Variants in PCDHA4 observed in about 807,000 individuals in gnomAD.
PCDHA4 encodes protocadherin alpha-4.
Under a neutral mutation model 61.4 loss-of-function variants are expected in PCDHA4, and 49 were observed. The observed-to-expected ratio is 0.80, with a 90% confidence interval of 0.63 to 1.01. The LOEUF is 1.01. Ranked by LOEUF, PCDHA4 falls within the 50% of genes least tolerant of loss-of-function variation. The pLI is 0.00. For synonymous variants in PCDHA4, 590 were observed against 550.3 expected, an observed-to-expected ratio of 1.07 and a Z score of -1.01; for missense variants, 1,254 against 1,235.8, an observed-to-expected ratio of 1.01 and a Z score of -0.22.
chr5:140,862,988 C>A (rs1554157382), intron 1 of PCDHA4: 6 of 546,930 alleles, frequency 1.1e-5, no homozygotes, highest in Non-Finnish European at 2.2e-5. Context: ...GGCGAAGGTG[C>A]GCACGGTGGA....
In PCDHA4 at chr5:140,858,203, C is replaced by T. The variant is rs781959847; in HGVS notation, c.2385+48631C>T. On this transcript the variant is annotated intron_variant, in intron 1 of 3. Coordinates refer to ENST00000530339, the MANE Select transcript of PCDHA4 (RefSeq NM_018907.4). The stretch of plus-strand genomic sequence containing the variant: ...GCTCACGCTGCTGCTGTACACTGCA[C>T]TGAGGTGCTCGGCGGCGCCCACCGA... The T allele has an allele frequency of 3.7e-5, 59 of 1,595,952 alleles. 8 individuals are homozygous for T. Among genetic ancestry groups the T allele is most frequent in the Non-Finnish European group, 4.8e-5 (56 of 1,166,554 alleles).
chr5:140,983,378 G>A (rs782292944), intron 3 of PCDHA4, among the ~76,000 whole-genome samples: 1 of 152,162 alleles, frequency 6.6e-6, no homozygotes, highest in Non-Finnish European at 1.5e-5. Flanking sequence ...GAGGCCCATC[G>A]CTGTGGCAGT....
chr5:140,890,732 TTA>T (rs2062774217), intron 1 of PCDHA4, among the ~76,000 whole-genome samples: 1 of 152,238 alleles, frequency 6.6e-6, no homozygotes, highest in Admixed American at 6.5e-5. Context: ...CCCTTTTGAC[TTA>T]TATACTATTT....
intron 1 of PCDHA4, chr5:140,968,038 C>T (rs1554230238): frequency 8.7e-6 from 14 of 1,614,148 alleles, no homozygotes; most frequent in East Asian, 2.2e-5. Flanking sequence ...TGGTGGTGAG[C>T]GGCCCACTGG....
chr5:140,836,890 G>A (rs1554136343), intron 1 of PCDHA4: 1 of 634,180 alleles, frequency 1.6e-6, no homozygotes, highest in East Asian at 2.9e-5. Flanking sequence ...TAATTATTTG[G>A]AAGTACGTTT....
chr5:140,829,602 T>C, intron 1 of PCDHA4: 1 of 1,612,054 alleles, frequency 6.2e-7, no homozygotes, highest in Non-Finnish European at 8.5e-7. Flanking sequence ...GAGCGCGCGT[T>C]GTCGAGCTAC....
intron 1 of PCDHA4, chr5:140,825,364 A>G (rs1554130202): frequency 6.8e-6 from 1 of 147,296 alleles, no homozygotes; most frequent in Non-Finnish European, 1.5e-5. Context: ...TATTAGATAT[A>G]TAAATATCTA....
At position 140,813,701 on chromosome 5, in the gene PCDHA4, T is replaced by A. The variant is rs1357326463; in HGVS notation, c.2385+4129T>A. The A allele has an allele frequency of 2.6e-5, 4 of 152,292 alleles. No individual in the cohort carries two copies. In the East Asian group the frequency reaches 7.7e-4, roughly 29 times the overall value. 9.4% of individuals were successfully genotyped at this position (152,292 alleles called of 1,614,324 possible). A position where few individuals can be genotyped will look rare whatever the true frequency, so the allele number is the denominator to read the frequency against. ...AGGCTACACTCAATTTATCAAAAAA[T>A]TTTCTTTTTACAGGCTGGTCATGGT... On this transcript the variant is annotated intron_variant, in intron 1 of 3. Transcript: ENST00000530339.
rs2098417406 is a variant in PCDHA4, at chr5:141,010,474, G to A, written c.*537G>A. Reference sequence around the variant, plus strand: ...CGGAAGTTATCAGTATGGAGGGGAAGTGTAAACTTAAAGGGACCAGACTTT... The same window carrying A: ...CGGAAGTTATCAGTATGGAGGGGAAATGTAAACTTAAAGGGACCAGACTTT... On this transcript the variant is annotated 3_prime_UTR_variant, in exon 4 of 4. Transcript: ENST00000530339. The A allele has an allele frequency of 3.9e-6, 3 of 760,382 alleles. No individual in the cohort carries two copies. The highest frequency in any genetic ancestry group is 3.2e-5 in the Admixed American group (1 of 31,594). The allele number at this position is 760,382 out of a possible 1,614,324, so 47.1% of individuals were successfully genotyped here.
intron 1 of PCDHA4, chr5:140,847,546 A>C (rs1179862564): frequency 6.7e-6 from 1 of 149,632 alleles, no homozygotes; most frequent in African/African-American, 2.4e-5. Context: ...GCATAGCTTT[A>C]AAAACAGAAA....
rs2150177437 is a variant in PCDHA4 at position 140,829,902 on chromosome 5, AC to A, written c.2385+20331del. 3 of 1,613,830 alleles carry A rather than the reference AC, an allele frequency of 1.9e-6. No homozygotes were observed. The African/African-American group carries it at 4.0e-5, about 22-fold the overall frequency. Reference sequence around the variant, plus strand: ...GCAGTTGACGCCGACTCAGGCTACAACGCGTGGCTTTCGTATGAGCTGCAGC... The same window carrying A: ...GCAGTTGACGCCGACTCAGGCTACAAGCGTGGCTTTCGTATGAGCTGCAGC... On this transcript the variant is annotated intron_variant, in intron 1 of 3. Coordinates refer to ENST00000530339, the MANE Select transcript of PCDHA4 (RefSeq NM_018907.4).
chr5:140,870,083 C>G, intron 1 of PCDHA4: 1 of 1,613,848 alleles, frequency 6.2e-7, no homozygotes, highest in Admixed American at 1.7e-5. Flanking sequence ...AAGGGGACTC[C>G]CCCAATGGCA....
At chr5:140,927,973 C>G (rs77078209) in intron 1 of PCDHA4, 1 of 1,614,216 alleles carries the variant, frequency 6.2e-7, no homozygotes, top group Non-Finnish European at 8.5e-7. Context: ...AGTGATTGCT[C>G]TCTTTAGTGT....
rs1320219732 is a variant in PCDHA4, at chr5:140,966,886, G to A, written c.2386-12063G>A. On this transcript the variant is annotated intron_variant, in intron 1 of 3. Coordinates refer to ENST00000530339, the MANE Select transcript of PCDHA4 (RefSeq NM_018907.4). Reference sequence around the variant, plus strand: ...TGCTGCTGCTGCTACCTGGCCCTGCGGCCTCCCAGCTGCGATACTCTGTGC... The same window carrying A: ...TGCTGCTGCTGCTACCTGGCCCTGCAGCCTCCCAGCTGCGATACTCTGTGC... The A allele has an allele frequency of 5.7e-6, 9 of 1,592,130 alleles. No individual in the cohort carries two copies. The Admixed American group carries it at 1.0e-4, about 18-fold the overall frequency.
At chr5:140,944,385 C>T (rs1273075803) in intron 1 of PCDHA4, among the ~76,000 whole-genome samples, 4 of 152,092 alleles carry the variant, frequency 2.6e-5, no homozygotes, top group Non-Finnish European at 5.9e-5. Flanking sequence ...TGGAGTCTCA[C>T]TGTGTTATCC....
chr5:140,914,944 CTT>C (rs35695909), intron 1 of PCDHA4, among the ~76,000 whole-genome samples: 2,964 of 128,208 alleles, frequency 0.023, 99 homozygotes, highest in African/African-American at 0.077. Flanking sequence ...GAAAAGTTGT[CTT>C]TTTTTTTTTT....
intron 1 of PCDHA4, among the ~76,000 whole-genome samples, chr5:140,944,956 A>T (rs2093715486): frequency 6.6e-6 from 1 of 152,140 alleles, no homozygotes; most frequent in Non-Finnish European, 1.5e-5. Context: ...GAATAAGAGT[A>T]TTATCTTAAC....
intron 1 of PCDHA4, among the ~76,000 whole-genome samples, chr5:140,915,425 A>T (rs2077115235): frequency 6.6e-6 from 1 of 152,056 alleles, no homozygotes; most frequent in African/African-American, 2.4e-5. Flanking sequence ...GGGCTTGTTT[A>T]TCCCTGTCCT....
At position 140,822,955 on chromosome 5, in the gene PCDHA4, T is replaced by G. The variant is rs2150120755; in HGVS notation, c.2385+13383T>G. Reference sequence around the variant, plus strand: ...CTGCTCCCTAATGCCCCACGTTCCCTTCAAGCTGGTGTCCACCTTCAAGAA... The same window carrying G: ...CTGCTCCCTAATGCCCCACGTTCCCGTCAAGCTGGTGTCCACCTTCAAGAA... On this transcript the variant is annotated intron_variant, in intron 1 of 3. Transcript: ENST00000530339. The G allele has an allele frequency of 3.7e-6, 6 of 1,614,108 alleles. No homozygotes were observed. The African/African-American group carries it at 8.0e-5, about 22-fold the overall frequency.
Sources: allele counts gnomAD v4.1 joint callset (sites outside exome capture counted in the v4.1 genomes callset), GRCh38; gene constraint gnomAD v4.1.1; transcripts MANE v1.5; gene names NCBI Gene and HGNC (gene_info 2026-07-23, HGNC 2026-07-21).